The following KCNC2 variants were observed in gnomAD, a reference collection of about 807,000 sequenced individuals.
The protein encoded by KCNC2 is voltage-gated potassium channel KCNC2.
KCNC2 carries 21 observed loss-of-function variants against 44.5 expected under a neutral mutation model. The ratio of observed to expected loss-of-function variants is 0.47; its 90% confidence interval spans 0.33 to 0.68. The LOEUF is 0.68. KCNC2 is among the 30% of genes least tolerant of loss of function. The pLI, the probability that KCNC2 is intolerant of heterozygous loss-of-function variation, is 0.01. For synonymous variants in KCNC2, 391 were observed against 339.1 expected (o/e 1.15, Z -1.68); for missense variants, 589 against 826.2 (o/e 0.71, Z 3.52).
At chr12:75,196,848 C>T (rs1325637515) in intron 2 of KCNC2, among the ~76,000 whole-genome samples, 5 of 152,026 alleles carry the variant, frequency 3.3e-5, no homozygotes, top group Admixed American at 2.6e-4. Flanking sequence ...ATTCTTCCAT[C>T]CATGAAAGTA....
At chr12:75,128,585 AC>A (rs1268779174) in intron 2 of KCNC2, among the ~76,000 whole-genome samples, 1 of 152,150 alleles carries the variant, frequency 6.6e-6, no homozygotes, top group Non-Finnish European at 1.5e-5. Context: ...TACAAGCCAT[AC>A]CCAATCTCCT....
intron 2 of KCNC2, among the ~76,000 whole-genome samples, chr12:75,166,185 C>T (rs557464595): frequency 8.6e-5 from 13 of 150,734 alleles, no homozygotes; most frequent in African/African-American, 3.2e-4. Flanking sequence ...ATAACTGTAT[C>T]AAATAAAATG....
Position 75,040,153 on chromosome 12 carries a change from A to T in KCNC2, c.*2952T>A, listed in dbSNP as rs1373608229. ...TTGCCTTTTATTCTTCATTTCAGTT[A>T]GTTACATTTCCACTGGTTATCATCA... On this transcript the variant is annotated 3_prime_UTR_variant, in exon 5 of 5. Transcript: ENST00000549446. 6.6e-6 allele frequency: 1 copy of T among 152,076 alleles called. No homozygotes were observed. Among genetic ancestry groups the T allele is most frequent in the Non-Finnish European group, 1.5e-5 (1 of 67,968 alleles). The allele number at this position is 152,076 out of a possible 1,614,324, so 9.4% of individuals were successfully genotyped here.
chr12:75,189,807 T>C (rs140202153), intron 2 of KCNC2, among the ~76,000 whole-genome samples: 5 of 152,310 alleles, frequency 3.3e-5, no homozygotes, highest in African/African-American at 1.2e-4. Context: ...AAAGCAGCAA[T>C]AGAGGGTTGT....
Position 75,041,610 on chromosome 12 carries a change from C to T in KCNC2, c.*1495G>A, listed in dbSNP as rs1879912766. On this transcript the variant is annotated 3_prime_UTR_variant, in exon 5 of 5. Coordinates refer to ENST00000549446, the MANE Select transcript of KCNC2 (RefSeq NM_139137.4). ...TATTGCTGTTGAATTCATAGGAATG[C>T]ATAAATAGACTTTCTTCCACTCAGA... 1 of 1,027,182 alleles carries T rather than the reference C, an allele frequency of 9.7e-7. No individual in the cohort carries two copies. The highest frequency in any genetic ancestry group is 5.0e-5 in the Admixed American group (1 of 19,824). The allele number at this position is 1,027,182 out of a possible 1,614,324, so 63.6% of individuals were successfully genotyped here. A position where few individuals can be genotyped will look rare whatever the true frequency, so the allele number is the denominator to read the frequency against.
chr12:75,077,008 AT>A (rs58133481), intron 2 of KCNC2, among the ~76,000 whole-genome samples: 12,453 of 152,168 alleles, frequency 0.082, 1,726 homozygotes, highest in African/African-American at 0.28. Context: ...TATTGTGTGT[AT>A]TTCCAGTTTA....
intron 2 of KCNC2, among the ~76,000 whole-genome samples, chr12:75,177,047 T>C (rs1224706595): frequency 6.7e-6 from 1 of 148,846 alleles, no homozygotes; most frequent in Non-Finnish European, 1.5e-5. Context: ...TATATATATA[T>C]ATATATATAT....
intron 2 of KCNC2, among the ~76,000 whole-genome samples, chr12:75,112,004 A>C (rs1356113201): frequency 7.2e-6 from 1 of 138,920 alleles, no homozygotes; most frequent in Admixed American, 7.2e-5. Flanking sequence ...TTCAATAAAA[A>C]TAACAAATAC....
chr12:75,064,512 T>G (rs1391489931), intron 2 of KCNC2, among the ~76,000 whole-genome samples: 1 of 152,076 alleles, frequency 6.6e-6, no homozygotes, highest in Non-Finnish European at 1.5e-5. Flanking sequence ...CCAATAATTG[T>G]GGCAGGAAGA....
chr12:75,102,462 A>G (rs1259678100), intron 2 of KCNC2, among the ~76,000 whole-genome samples: 3 of 152,058 alleles, frequency 2.0e-5, no homozygotes, highest in Non-Finnish European at 1.5e-5. Context: ...TTATCCAGGA[A>G]GAAACCAAGC....
intron 2 of KCNC2, among the ~76,000 whole-genome samples, chr12:75,196,163 T>C (rs2030745161): frequency 1.3e-5 from 2 of 152,136 alleles, no homozygotes; most frequent in South Asian, 4.1e-4. Context: ...CATCATCCTT[T>C]GGTTGTTTTC....
chr12:75,042,975 T>C lies in KCNC2; in HGVS notation c.*130A>G. 4.2e-6 allele frequency: 6 copies of C among 1,424,636 alleles called. No homozygotes were observed. The highest frequency in any genetic ancestry group is 5.5e-6 in the Non-Finnish European group (6 of 1,088,516). 88.2% of individuals were successfully genotyped at this position (1,424,636 alleles called of 1,614,324 possible). On this transcript the variant is annotated 3_prime_UTR_variant, in exon 5 of 5. Coordinates refer to ENST00000549446, the MANE Select transcript of KCNC2 (RefSeq NM_139137.4). ...AAGTGGCATTTCTGACTTCAAATTG[T>C]AGTATCATGCAAGATTTATACTGTA...
intron 4 of KCNC2, among the ~76,000 whole-genome samples, chr12:75,045,080 G>A (rs188364138): frequency 3.3e-5 from 5 of 151,996 alleles, no homozygotes; most frequent in African/African-American, 4.8e-5. Flanking sequence ...CTATGCCATC[G>A]AAGTTGACTG....
At position 75,203,403 on chromosome 12, in the gene KCNC2, A is replaced by G. The variant is rs929748825; in HGVS notation, c.687+3894T>C. Among the ~76,000 whole-genome samples, 9 of 152,012 alleles carry G rather than the reference A, an allele frequency of 5.9e-5. No homozygotes were observed. The East Asian group carries it at 1.5e-3, about 26-fold the overall frequency. On this transcript the variant is annotated intron_variant, in intron 2 of 4. Coordinates refer to ENST00000549446, the MANE Select transcript of KCNC2 (RefSeq NM_139137.4). ...GTAGAAGTAATCTATAATGCTAATAATATGAATATTTTCAAGATTTAAAAA... is the reference window on the plus strand; with the variant it reads ...GTAGAAGTAATCTATAATGCTAATAGTATGAATATTTTCAAGATTTAAAAA...
chr12:75,076,999 A>T (rs964469394), intron 2 of KCNC2, among the ~76,000 whole-genome samples: 1 of 148,416 alleles, frequency 6.7e-6, no homozygotes, highest in African/African-American at 2.6e-5. Context: ...AAAAAATCTT[A>T]TTGTGTGTAT....
In KCNC2 at chr12:75,168,328, T is replaced by G. The variant is rs370880379; in HGVS notation, c.687+38969A>C. On this transcript the variant is annotated intron_variant, in intron 2 of 4. Transcript: ENST00000549446. ...AAACACTTGTCTATATGCTAGTTATTGTATTTAGTTCTTTACTAAACATCT... is the reference window on the plus strand; with the variant it reads ...AAACACTTGTCTATATGCTAGTTATGGTATTTAGTTCTTTACTAAACATCT... 5.3e-5 allele frequency among the ~76,000 whole-genome samples: 8 copies of G among 151,364 alleles called. No individual in the cohort carries two copies. In the East Asian group the frequency reaches 1.6e-3, roughly 29 times the overall value.
intron 2 of KCNC2, among the ~76,000 whole-genome samples, chr12:75,088,421 T>G (rs1295165227): frequency 1.3e-5 from 2 of 152,096 alleles, no homozygotes; most frequent in African/African-American, 4.8e-5. Flanking sequence ...ACAGTGAAAG[T>G]TATTTTAACC....
chr12:75,060,281 A>G (rs1036636571), intron 2 of KCNC2, among the ~76,000 whole-genome samples: 4 of 151,788 alleles, frequency 2.6e-5, no homozygotes, highest in Admixed American at 6.6e-5. Context: ...TACCTCTAGC[A>G]TTTTTCTCCC....
intron 2 of KCNC2, among the ~76,000 whole-genome samples, chr12:75,110,459 G>A (rs1887141862): frequency 6.6e-6 from 1 of 152,124 alleles, no homozygotes; most frequent in Admixed American, 6.6e-5. Flanking sequence ...AATAAAAGAA[G>A]TATATCTCTG....
Sources: allele counts gnomAD v4.1 joint callset (sites outside exome capture counted in the v4.1 genomes callset), GRCh38; gene constraint gnomAD v4.1.1; transcripts MANE v1.5; gene names NCBI Gene and HGNC (gene_info 2026-07-23, HGNC 2026-07-21).